The following SPR variants were observed in gnomAD, a reference collection of about 807,000 sequenced individuals.
SPR encodes the protein sepiapterin reductase.
In SPR, 12 loss-of-function variants were observed where a neutral mutation model predicts 16.0. The observed-to-expected ratio is 0.75, with a 90% CI of 0.48 to 1.22. The LOEUF is 1.22. Ranked by LOEUF, SPR falls within the 50% of genes most tolerant of loss-of-function variation. The pLI is 0.00. For missense variants in SPR, 324 were observed against 344.4 expected (o/e 0.94, Z 0.47); for synonymous variants, 177 against 168.5 (o/e 1.05, Z -0.39).
rs1042194044 is a variant in SPR, at chr2:72,888,532, G to A, written c.523G>A (p.Ala175Thr). 1.9e-6 allele frequency: 3 copies of A among 1,604,582 alleles called. No homozygotes were observed. The African/African-American group carries it at 4.0e-5, about 21-fold the overall frequency. The change falls in exon 2 of 3, where the codon GCT (alanine) becomes ACT (threonine). Residue 175 changes from alanine (A) to threonine (T), a missense_variant. Ala to Thr is a moderately conservative substitution (Grantham distance 58). Coordinates refer to ENST00000234454, the MANE Select transcript of SPR (RefSeq NM_003124.5). ...KGWALYCAGK[A>T]ARDMLFQVLA... ...CTGGGCGCTGTACTGTGCAGGAAAG[G>A]CTGCTCGTGATATGCTGTTCCAGGT...
rs1035305954 is a variant in SPR at position 72,887,490 on chromosome 2, G to A, written c.58G>A (p.Gly20Ser). 4 of 1,499,748 alleles carry A rather than the reference G, an allele frequency of 2.7e-6. No individual in the cohort carries two copies. Among genetic ancestry groups the A allele is most frequent in the Non-Finnish European group, 3.5e-6 (4 of 1,130,386 alleles). 92.9% of individuals were successfully genotyped at this position (1,499,748 alleles called of 1,614,324 possible). ...CLLTGASRGFGRTLAPLLASL... is the reference protein window; with the variant it reads ...CLLTGASRGFSRTLAPLLASL... ...GCTGACCGGGGCCTCCCGCGGCTTC[G>A]GCCGGACGCTGGCCCCGCTCCTGGC... is the stretch of plus-strand genomic sequence containing the variant. The change falls in exon 1 of 3, where the codon GGC (glycine) becomes AGC (serine). Residue 20 changes from glycine to serine, a missense_variant. By Grantham distance (56) the Gly-to-Ser change is moderately conservative. Transcript: ENST00000234454.
In SPR at chr2:72,890,733, G is replaced by C. The variant is rs141239369; in HGVS notation, c.596-614G>C. Among the ~76,000 whole-genome samples the C allele has an allele frequency of 9.9e-3, 1,514 of 152,298 alleles. 11 individuals are homozygous for C. Among genetic ancestry groups the C allele is most frequent in the Middle Eastern group, 0.027 (8 of 294 alleles). ...CTGGCTAATTTTTGTATTTTTAGTA[G>C]AGACAGGGTTTCACCATGTTGGCCA... On this transcript the variant is annotated intron_variant, in intron 2 of 2. Coordinates refer to ENST00000234454, the MANE Select transcript of SPR (RefSeq NM_003124.5).
chr2:72,889,670 A>G (rs1271864340), intron 2 of SPR, among the ~76,000 whole-genome samples: 1 of 152,118 alleles, frequency 6.6e-6, no homozygotes, highest in Non-Finnish European at 1.5e-5. Flanking sequence ...GACCAAATGT[A>G]AGCTACAACC....
Position 72,891,772 on chromosome 2 carries a change from T to G in SPR, c.*235T>G, listed in dbSNP as rs1670625677. 1.7e-6 allele frequency: 1 copy of G among 584,730 alleles called. No homozygotes were observed. Among genetic ancestry groups the G allele is most frequent in the South Asian group, 2.0e-5 (1 of 50,664 alleles). The allele number at this position is 584,730 out of a possible 1,614,324, so 36.2% of individuals were successfully genotyped here. A position where few individuals can be genotyped will look rare whatever the true frequency, so the allele number is the denominator to read the frequency against. ...TTATAAGGAGGCTTAGGAGAGAGGTTATGGGTATTGGTGTCTCTATCCCCA... is the reference window on the plus strand; with the variant it reads ...TTATAAGGAGGCTTAGGAGAGAGGTGATGGGTATTGGTGTCTCTATCCCCA... On this transcript the variant is annotated 3_prime_UTR_variant, in exon 3 of 3. Transcript: ENST00000234454.
intron 1 of SPR, among the ~76,000 whole-genome samples, chr2:72,888,071 C>A (rs1670568764): frequency 6.6e-6 from 1 of 152,232 alleles, no homozygotes; most frequent in South Asian, 2.1e-4. Context: ...TCCAAAGGAC[C>A]GCTAGAGCTT....
chr2:72,887,431 G>T lies in SPR; in HGVS notation c.-2G>T. The T allele has an allele frequency of 6.7e-7, 1 of 1,492,178 alleles. No individual in the cohort carries two copies. Among genetic ancestry groups the T allele is most frequent in the African/African-American group, 1.4e-5 (1 of 69,094 alleles). The allele number at this position is 1,492,178 out of a possible 1,614,324, so 92.4% of individuals were successfully genotyped here. ...CCAGCGCCGCCGGCGGAGAACAGGA[G>T]CATGGAGGGCGGGCTGGGGCGTGCT... On this transcript the variant is annotated 5_prime_UTR_variant, in exon 1 of 3. Transcript: ENST00000234454.
Position 72,891,519 on chromosome 2 carries a change from G to A in SPR, c.768G>A (p.Val256=), listed in dbSNP as rs1171318027. The part of the protein sequence containing the change: ...EKDEFKSGAH[V]DFYDK ...ACGAGTTCAAGTCTGGAGCCCACGT[G>A]GACTTCTATGACAAATAAGCCCATG... Residue 256 remains valine (V), a synonymous_variant, in exon 3 of 3, where the codon GTG becomes GTA. Transcript: ENST00000234454. 2 of 1,614,214 alleles carry A rather than the reference G, an allele frequency of 1.2e-6. No homozygotes were observed. Among genetic ancestry groups the A allele is most frequent in the South Asian group, 1.1e-5 (1 of 91,090 alleles).
chr2:72,890,730 G>A (rs1412513496), intron 2 of SPR, among the ~76,000 whole-genome samples: 2 of 152,318 alleles, frequency 1.3e-5, no homozygotes, highest in Non-Finnish European at 2.9e-5. Flanking sequence ...TGTATTTTTA[G>A]TAGAGACAGG....
rs868327472 is a variant in SPR, at chr2:72,887,693, C to G, written c.261C>G (p.Pro87=). 7 of 1,503,766 alleles carry G rather than the reference C, an allele frequency of 4.7e-6. No homozygotes were observed. The highest frequency in any genetic ancestry group is 3.7e-5 in the South Asian group (3 of 81,320). 93.2% of individuals were successfully genotyped at this position (1,503,766 alleles called of 1,614,324 possible). A position where few individuals can be genotyped will look rare whatever the true frequency, so the allele number is the denominator to read the frequency against. ...QQLLGALREL[P]RPKGLQRLLL... ...TGCTCGGCGCCCTGCGCGAGCTCCCCCGGCCCAAGGGGCTGCAGCGACTGC... is the reference window on the plus strand; with the variant it reads ...TGCTCGGCGCCCTGCGCGAGCTCCCGCGGCCCAAGGGGCTGCAGCGACTGC... The change falls in exon 1 of 3, where the codon CCC becomes CCG. Residue 87 remains proline, a synonymous_variant. Coordinates refer to ENST00000234454, the MANE Select transcript of SPR (RefSeq NM_003124.5).
rs1573882642 is a variant in SPR, at chr2:72,888,985, A to G, written c.595+381A>G. Among the ~76,000 whole-genome samples the G allele has an allele frequency of 2.0e-5, 3 of 152,316 alleles. No individual in the cohort carries two copies. In the South Asian group the frequency reaches 6.2e-4, roughly 32 times the overall value. On this transcript the variant is annotated intron_variant, in intron 2 of 2. Transcript: ENST00000234454. ...TATGTGAAAATGACCCTGACCTGTG[A>G]AGTGTTGCCTCATTGTTAAATAGGA...
At position 72,888,508 on chromosome 2, in the gene SPR, T is replaced by G. The variant is rs1241127898; in HGVS notation, c.499T>G (p.Trp167Gly). Residue 167 changes from tryptophan to glycine, a missense_variant, in exon 2 of 3, where the codon TGG becomes GGG. Trp to Gly is a radical substitution (Grantham distance 184). Coordinates refer to ENST00000234454, the MANE Select transcript of SPR (RefSeq NM_003124.5). Reference sequence around the variant, plus strand: ...CTGTGCCCTGCAACCTTTCAAAGGCTGGGCGCTGTACTGTGCAGGAAAGGC... The same window carrying G: ...CTGTGCCCTGCAACCTTTCAAAGGCGGGGCGCTGTACTGTGCAGGAAAGGC... ...SLCALQPFKGWALYCAGKAAR... is the reference protein window; with the variant it reads ...SLCALQPFKGGALYCAGKAAR... 6.2e-7 allele frequency: 1 copy of G among 1,613,202 alleles called. No individual in the cohort carries two copies. The highest frequency in any genetic ancestry group is 1.7e-5 in the Admixed American group (1 of 59,942).
chr2:72,887,694 C>A lies in SPR; in HGVS notation c.262C>A (p.Arg88=). 2 of 1,503,792 alleles carry A rather than the reference C, an allele frequency of 1.3e-6. No individual in the cohort carries two copies. The highest frequency in any genetic ancestry group is 1.8e-6 in the Non-Finnish European group (2 of 1,133,120). 93.2% of individuals were successfully genotyped at this position (1,503,792 alleles called of 1,614,324 possible). A position where few individuals can be genotyped will look rare whatever the true frequency, so the allele number is the denominator to read the frequency against. ...GCTCGGCGCCCTGCGCGAGCTCCCC[C>A]GGCCCAAGGGGCTGCAGCGACTGCT... ...QLLGALRELP[R]PKGLQRLLLI... Residue 88 remains arginine, a synonymous_variant, in exon 1 of 3, where the codon CGG becomes AGG. Transcript: ENST00000234454.
rs1385370389 is a variant in SPR at position 72,891,764 on chromosome 2, A to G, written c.*227A>G. The G allele has an allele frequency of 5.0e-6, 3 of 598,908 alleles. No homozygotes were observed. Among genetic ancestry groups the G allele is most frequent in the African/African-American group, 1.9e-5 (1 of 53,942 alleles). The allele number at this position is 598,908 out of a possible 1,614,324, so 37.1% of individuals were successfully genotyped here. On this transcript the variant is annotated 3_prime_UTR_variant, in exon 3 of 3. Transcript: ENST00000234454. ...ACCCTGGGTTATAAGGAGGCTTAGG[A>G]GAGAGGTTATGGGTATTGGTGTCTC...
chr2:72,887,446 TG>T lies in SPR; in HGVS notation c.18del (p.Arg7ValfsTer6). The T allele has an allele frequency of 6.7e-7, 1 of 1,501,830 alleles. No homozygotes were observed. Among genetic ancestry groups the T allele is most frequent in the Non-Finnish European group, 8.8e-7 (1 of 1,131,360 alleles). 93.0% of individuals were successfully genotyped at this position (1,501,830 alleles called of 1,614,324 possible). MEGG[L>X]GRAVCLLTGA... is the part of the protein sequence containing the mutation. ...GAGAACAGGAGCATGGAGGGCGGGCTGGGGCGTGCTGTGTGCTTGCTGACCG... is the reference window on the plus strand; with the variant it reads ...GAGAACAGGAGCATGGAGGGCGGGCTGGGCGTGCTGTGTGCTTGCTGACCG... On this transcript the variant is annotated frameshift_variant, in exon 1 of 3. Coordinates refer to ENST00000234454, the MANE Select transcript of SPR (RefSeq NM_003124.5). LOFTEE classifies it high-confidence loss of function.
intron 2 of SPR, among the ~76,000 whole-genome samples, chr2:72,891,118 G>C (rs988989531): frequency 2.0e-5 from 3 of 152,168 alleles, no homozygotes; most frequent in Admixed American, 2.0e-4. Flanking sequence ...CTTGGTTTTA[G>C]ACATGGTAGT....
At chr2:72,890,035 T>C (rs1290296878) in intron 2 of SPR, among the ~76,000 whole-genome samples, 1 of 152,236 alleles carries the variant, frequency 6.6e-6, no homozygotes, top group African/African-American at 2.4e-5. Context: ...ATGTGAAGAA[T>C]AGAACGTGCT....
intron 1 of SPR, among the ~76,000 whole-genome samples, 176 bp from the exon 2 acceptor site, chr2:72,888,138 G>A (rs1670569525): frequency 6.6e-6 from 1 of 152,228 alleles, no homozygotes; most frequent in South Asian, 2.1e-4. Context: ...GGGATGGCTA[G>A]GTTCCCCAGC....
At chr2:72,889,875 G>A (rs534564196) in intron 2 of SPR, among the ~76,000 whole-genome samples, 2 of 152,324 alleles carry the variant, frequency 1.3e-5, no homozygotes, top group East Asian at 3.9e-4. Context: ...TGTTTGGAAA[G>A]GCAGCAAGTC....
intron 1 of SPR, 116 bp downstream of exon 1, chr2:72,887,852 AGTT>A (rs1435076466): frequency 5.2e-6 from 6 of 1,155,274 alleles, no homozygotes; most frequent in Non-Finnish European, 6.9e-6. Flanking sequence ...CTAAAGCCCT[AGTT>A]GTTCCAGCTT....
Sources: gnomAD v4.1 joint callset for allele counts (sites outside exome capture counted in the v4.1 genomes callset) on GRCh38, gnomAD v4.1.1 for gene constraint, MANE v1.5 for transcripts, NCBI Gene and HGNC (gene_info 2026-07-23, HGNC 2026-07-21) for gene names.